The following WBP2NL variants were observed in gnomAD, a reference collection of about 807,000 sequenced individuals.
WBP2NL encodes WBP2 N-terminal like.
WBP2NL carries 27 observed loss-of-function variants against 23.3 expected under a neutral mutation model. That is an observed-to-expected ratio of 1.16 (90% CI 0.85 to 1.60). The LOEUF is 1.60. WBP2NL is among the 40% of genes most tolerant of loss of function. The pLI, the probability that WBP2NL is intolerant of heterozygous loss-of-function variation, is 0.00. For missense variants in WBP2NL, 370 were observed against 389.5 expected, an observed-to-expected ratio of 0.95 and a Z score of 0.42; for synonymous variants, 151 against 145.9, an observed-to-expected ratio of 1.03 and a Z score of -0.25.
intron 1 of WBP2NL, chr22:42,001,831 T>C: frequency 7.6e-7 from 1 of 1,311,484 alleles, no homozygotes. Flanking sequence ...TTATCTGCAG[T>C]GATCTGCTTG....
intron 1 of WBP2NL, among the ~76,000 whole-genome samples, chr22:42,005,822 C>A (rs143177891): frequency 6.6e-6 from 1 of 152,170 alleles, no homozygotes; most frequent in South Asian, 2.1e-4. Context: ...AGAATTGTAA[C>A]AGGAAATGAA....
chr22:42,011,417 CT>C (rs575621179), intron 1 of WBP2NL, among the ~76,000 whole-genome samples: 1 of 151,170 alleles, frequency 6.6e-6, no homozygotes, highest in Non-Finnish European at 1.5e-5. Flanking sequence ...CCACACCCAA[CT>C]TTTTTTTTAT....
chr22:42,029,501 A>AG (rs1924794366), downstream of WBP2NL, among the ~76,000 whole-genome samples: 3 of 151,954 alleles, frequency 2.0e-5, no homozygotes, highest in African/African-American at 7.3e-5. Flanking sequence ...CCTCCTGAGT[A>AG]GCTGGGATTA....
intron 1 of WBP2NL, chr22:42,001,514 C>T (rs1921677776): frequency 2.0e-6 from 2 of 1,000,472 alleles, no homozygotes; most frequent in East Asian, 2.4e-5. Flanking sequence ...TCGCAATTCC[C>T]TTTCAGCTCC....
At chr22:42,014,482 C>T (rs1923128077) in intron 1 of WBP2NL, among the ~76,000 whole-genome samples, 1 of 152,156 alleles carries the variant, frequency 6.6e-6, no homozygotes, top group South Asian at 2.1e-4. Flanking sequence ...CCACTGTGGC[C>T]TCCCAAAGTG....
chr22:42,051,274 C>CTGTG (rs1467247613), intron 8 of WBP2NL, among the ~76,000 whole-genome samples: 2 of 152,174 alleles, frequency 1.3e-5, no homozygotes, highest in Non-Finnish European at 2.9e-5. Context: ...GATTCAAACT[C>CTGTG]TGTGACATTC....
At chr22:42,020,413 C>T (rs1477328494) in intron 4 of WBP2NL, among the ~76,000 whole-genome samples, 2 of 152,106 alleles carry the variant, frequency 1.3e-5, no homozygotes, top group Admixed American at 1.3e-4. Flanking sequence ...CCTTTGTGGC[C>T]AGGCAGTTGG....
downstream of WBP2NL, among the ~76,000 whole-genome samples, chr22:42,037,848 AGAGTGT>A (rs1569453606): frequency 1.1e-5 from 1 of 87,502 alleles, no homozygotes; most frequent in African/African-American, 5.7e-5. Flanking sequence ...AGAGAGAGTG[AGAGTGT>A]GTGTGTGTGT....
At chr22:42,040,636 A>C (rs561561739) in intron 8 of WBP2NL, among the ~76,000 whole-genome samples, 2 of 152,338 alleles carry the variant, frequency 1.3e-5, no homozygotes, top group Admixed American at 1.3e-4. Flanking sequence ...TTTTTGTCTC[A>C]AGATATTTTA....
At position 42,010,602 on chromosome 22, in the gene WBP2NL, A is replaced by C. The variant is rs972829660; in HGVS notation, c.63-8709A>C. Among the ~76,000 whole-genome samples, 3 of 151,734 alleles carry C rather than the reference A, an allele frequency of 2.0e-5. No individual in the cohort carries two copies. The East Asian group carries it at 5.8e-4, about 29-fold the overall frequency. ...TGCCCAGGCTGGAGTGCAGTGGCGC[A>C]ATCTCGGCTCACTGCCAGCTCTGCC... On this transcript the variant is annotated intron_variant, in intron 1 of 5. Transcript: ENST00000328823.
intron 1 of WBP2NL, among the ~76,000 whole-genome samples, chr22:42,007,657 G>C (rs1922378785): frequency 6.6e-6 from 1 of 152,110 alleles, no homozygotes; most frequent in Non-Finnish European, 1.5e-5. Context: ...GACAATATTT[G>C]TCTTTTTGTG....
chr22:42,013,102 G>A (rs1018526863), intron 1 of WBP2NL, among the ~76,000 whole-genome samples: 3 of 152,012 alleles, frequency 2.0e-5, no homozygotes, highest in African/African-American at 7.2e-5. Context: ...GCCGGGCGTG[G>A]TGGCTTATGC....
At chr22:42,020,229 G>A (rs1923764283) in intron 4 of WBP2NL, 133 bp downstream of exon 4, 4 of 879,890 alleles carry the variant, frequency 4.5e-6, no homozygotes, top group South Asian at 1.8e-5. Context: ...TTTGTAAGTC[G>A]GGGTTTCACC....
chr22:42,007,176 A>G lies in WBP2NL; in HGVS notation c.62+8296A>G, dbSNP rs115197512. Among the ~76,000 whole-genome samples, 132 of 152,248 alleles carry G rather than the reference A, an allele frequency of 8.7e-4. 1 individual carries two copies. Among genetic ancestry groups the G allele is most frequent in the African/African-American group, 3.2e-3 (131 of 41,540 alleles). On this transcript the variant is annotated intron_variant, in intron 1 of 5. Coordinates refer to ENST00000328823, the MANE Select transcript of WBP2NL (RefSeq NM_152613.3). ...ATGGCTGGTATTCCAGTGTGCATAA[A>G]TCTTTACTCAACCCCTAATCTGGAA...
rs748879312 is a variant in WBP2NL, at chr22:41,998,851, C to A, written c.33C>A (p.Arg11=). The change falls in exon 1 of 6, where the codon CGC becomes CGA. Residue 11 remains arginine (R), a synonymous_variant. Transcript: ENST00000328823. ...TGAATCAGAGCCACACCGAGAACCG[C>A]CGCGGAGCCCTCATCCCTAACGGTG... MAVNQSHTEN[R]RGALIPNGES... 6.2e-7 allele frequency: 1 copy of A among 1,612,452 alleles called. No homozygotes were observed.
At chr22:42,001,892 C>T (rs547968202) in intron 1 of WBP2NL, 89 of 1,472,388 alleles carry the variant, frequency 6.0e-5, no homozygotes, top group Middle Eastern at 4.2e-4. Flanking sequence ...TGGGTGCTAC[C>T]GCCATCTTGG....
At chr22:42,019,481 GA>G in intron 2 of WBP2NL, 62 bp downstream of exon 2, 1 of 1,578,062 alleles carries the variant, frequency 6.3e-7, no homozygotes, top group Non-Finnish European at 8.7e-7. Context: ...TTGAAATGAA[GA>G]AAACTTAAAC....
rs1180093321 is a variant in WBP2NL at position 42,028,130 on chromosome 22, T to C, written c.*949T>C. ...TTCATTGTTTCTAACAGCACAAAAT[T>C]AGAAATAACCTATATGTCCATTAAT... On this transcript the variant is annotated 3_prime_UTR_variant, in exon 6 of 6. Coordinates refer to ENST00000328823, the MANE Select transcript of WBP2NL (RefSeq NM_152613.3). The C allele has an allele frequency of 2.5e-6, 1 of 398,284 alleles. No homozygotes were observed. The highest frequency in any genetic ancestry group is 3.6e-5 in the East Asian group (1 of 28,038). 24.7% of individuals were successfully genotyped at this position (398,284 alleles called of 1,614,324 possible).
chr22:42,001,174 A>G (rs1181584397), intron 1 of WBP2NL: 3 of 796,350 alleles, frequency 3.8e-6, no homozygotes, highest in Non-Finnish European at 6.7e-6. Flanking sequence ...TGCTTCCTTC[A>G]TCATGAGTAA....
Sources: allele counts gnomAD v4.1 joint callset (sites outside exome capture counted in the v4.1 genomes callset), GRCh38; gene constraint gnomAD v4.1.1; transcripts MANE v1.5; gene names NCBI Gene and HGNC (gene_info 2026-07-23, HGNC 2026-07-21).